The following ITPRID1 variants were observed in gnomAD, a reference collection of about 807,000 sequenced individuals.
ITPRID1 encodes the protein ITPR interacting domain containing 1, also known as protein ITPRID1.
In ITPRID1, 96 loss-of-function variants were observed where a neutral mutation model predicts 95.4. The observed-to-expected ratio is 1.01, with a 90% CI of 0.85 to 1.19. The LOEUF (loss-of-function observed/expected upper bound fraction) is 1.19. Ranked by LOEUF, ITPRID1 falls within the 50% of genes most tolerant of loss-of-function variation. The pLI is 0.00. For synonymous variants in ITPRID1, 510 were observed against 453.6 expected (o/e 1.12, Z -1.58); for missense variants, 1,339 against 1,252.9 (o/e 1.07, Z -1.04).
Position 31,643,363 on chromosome 7 carries a change from C to G in ITPRID1, c.1993C>G (p.Pro665Ala). Residue 665 changes from proline (P) to alanine (A), a missense_variant, in exon 12 of 15, where the codon CCC becomes GCC. By Grantham distance (27) the Pro-to-Ala change is conservative. Transcript: ENST00000615280. Reference protein sequence around the residue: ...DLAQTSEKLIPHLHKLPGDPA... With the variant: ...DLAQTSEKLIAHLHKLPGDPA... The stretch of plus-strand genomic sequence containing the variant: ...TGCTCAAACATCTGAAAAGCTCATT[C>G]CCCACCTCCATAAACTGCCTGGAGA... 6.2e-7 allele frequency: 1 copy of G among 1,613,990 alleles called. No individual in the cohort carries two copies. The highest frequency in any genetic ancestry group is 8.5e-7 in the Non-Finnish European group (1 of 1,179,896).
chr7:31,635,650 G>A (rs1407387580), intron 10 of ITPRID1, among the ~76,000 whole-genome samples: 2 of 152,134 alleles, frequency 1.3e-5, no homozygotes, highest in Non-Finnish European at 2.9e-5. Context: ...ATTTGGACCA[G>A]TGTATTAGGC....
At chr7:31,522,092 A>G (rs1046546672) in intron 1 of ITPRID1, among the ~76,000 whole-genome samples, 1 of 152,082 alleles carries the variant, frequency 6.6e-6, no homozygotes, top group Non-Finnish European at 1.5e-5. Context: ...TTTTCTAACT[A>G]AGCACCTCCA....
intron 10 of ITPRID1, among the ~76,000 whole-genome samples, chr7:31,616,774 A>G (rs1193818217): frequency 1.3e-5 from 2 of 150,266 alleles, no homozygotes; most frequent in African/African-American, 5.0e-5. Context: ...AGACAAAACC[A>G]AAAAGGTTTC....
chr7:31,556,851 C>T (rs2128138118), intron 5 of ITPRID1, among the ~76,000 whole-genome samples: 1 of 152,072 alleles, frequency 6.6e-6, no homozygotes, highest in African/African-American at 2.4e-5. Flanking sequence ...GTTTTAACAA[C>T]AGAAATGTAT....
intron 1 of ITPRID1, among the ~76,000 whole-genome samples, chr7:31,520,691 C>T (rs1229608304): frequency 6.6e-6 from 1 of 152,068 alleles, no homozygotes; most frequent in Non-Finnish European, 1.5e-5. Flanking sequence ...GATCTGGATA[C>T]CAGCTATGTT....
chr7:31,558,427 C>G (rs1340275178), intron 5 of ITPRID1, among the ~76,000 whole-genome samples: 1 of 152,074 alleles, frequency 6.6e-6, no homozygotes, highest in African/African-American at 2.4e-5. Context: ...CCTTTGGGAC[C>G]ACAACACAGT....
At chr7:31,633,570 A>C (rs1214976239) in intron 10 of ITPRID1, among the ~76,000 whole-genome samples, 1 of 152,234 alleles carries the variant, frequency 6.6e-6, no homozygotes, top group East Asian at 1.9e-4. Context: ...GGTCTGAACA[A>C]TTCACACTAC....
At chr7:31,622,467 T>C (rs1788009223) in intron 10 of ITPRID1, among the ~76,000 whole-genome samples, 2 of 150,224 alleles carry the variant, frequency 1.3e-5, no homozygotes. Context: ...TCAAAACTGC[T>C]CAACTACATG....
intron 1 of ITPRID1, among the ~76,000 whole-genome samples, chr7:31,531,534 A>G (rs1294841837): frequency 1.3e-5 from 2 of 152,162 alleles, no homozygotes; most frequent in Non-Finnish European, 1.5e-5. Context: ...CTGGGGGAGC[A>G]TTAGGTTTGG....
downstream of ITPRID1, among the ~76,000 whole-genome samples, chr7:31,657,473 G>A (rs943345717): frequency 5.9e-5 from 9 of 152,206 alleles, no homozygotes; most frequent in Non-Finnish European, 5.9e-5. Flanking sequence ...TCTGACGCTT[G>A]TAGTCAGGTA....
intron 10 of ITPRID1, among the ~76,000 whole-genome samples, chr7:31,619,116 A>T (rs1253043266): frequency 6.6e-6 from 1 of 152,200 alleles, no homozygotes; most frequent in East Asian, 1.9e-4. Flanking sequence ...TGTGTATATT[A>T]GTCACAACAT....
chr7:31,536,051 T>C (rs138538055), intron 1 of ITPRID1, among the ~76,000 whole-genome samples: 2 of 152,290 alleles, frequency 1.3e-5, no homozygotes, highest in Admixed American at 6.5e-5. Context: ...GCTATTATGA[T>C]TTGAAATATT....
chr7:31,639,103 T>A (rs1789765632), intron 10 of ITPRID1, among the ~76,000 whole-genome samples: 1 of 152,124 alleles, frequency 6.6e-6, no homozygotes, highest in African/African-American at 2.4e-5. Context: ...TGTGCCTTGG[T>A]GTAGTTTTCT....
chr7:31,606,655 C>G (rs974944607), intron 10 of ITPRID1, among the ~76,000 whole-genome samples: 1 of 152,088 alleles, frequency 6.6e-6, no homozygotes, highest in Non-Finnish European at 1.5e-5. Flanking sequence ...GTCCATTAGA[C>G]TATTTCTTTC....
Position 31,592,158 on chromosome 7 carries a change from G to A in ITPRID1, c.1228+8967G>A, listed in dbSNP as rs150491690. On this transcript the variant is annotated intron_variant, in intron 10 of 14. Coordinates refer to ENST00000615280, the MANE Select transcript of ITPRID1 (RefSeq NM_001257967.3). ...ATAATGTCACTCTCAAAGATAACAGGACTCCCCAGGTATATCATCCACTAC... is the reference window on the plus strand; with the variant it reads ...ATAATGTCACTCTCAAAGATAACAGAACTCCCCAGGTATATCATCCACTAC... Among the ~76,000 whole-genome samples the A allele has an allele frequency of 2.6e-4, 40 of 152,206 alleles. No homozygotes were observed. The East Asian group carries it at 7.4e-3, about 28-fold the overall frequency.
chr7:31,560,984 G>GA (rs1784603674), intron 5 of ITPRID1, among the ~76,000 whole-genome samples: 1 of 151,814 alleles, frequency 6.6e-6, no homozygotes, highest in East Asian at 1.9e-4. Context: ...AGGTAATGAG[G>GA]TAAAAAGGGA....
Position 31,655,206 on chromosome 7 carries a change from C to G in ITPRID1, c.*2377C>G, listed in dbSNP as rs978326336. The stretch of plus-strand genomic sequence containing the variant: ...TGGTCATTGCCCCAACTCAGTTCAT[C>G]TTCCTGATCCTCTCTGTCAGTGGCA... On this transcript the variant is annotated 3_prime_UTR_variant, in exon 15 of 15. Transcript: ENST00000615280. Among the ~76,000 whole-genome samples, 112 of 152,276 alleles carry G rather than the reference C, an allele frequency of 7.4e-4. No homozygotes were observed. Among genetic ancestry groups the G allele is most frequent in the African/African-American group, 2.6e-3 (108 of 41,560 alleles).
At chr7:31,588,219 T>C (rs1057222854) in intron 10 of ITPRID1, among the ~76,000 whole-genome samples, 1 of 150,406 alleles carries the variant, frequency 6.6e-6, no homozygotes, top group African/African-American at 2.4e-5. Context: ...GAACAAAGAG[T>C]GGAGGGAGTT....
chr7:31,541,390 G>A (rs889507733), intron 1 of ITPRID1, among the ~76,000 whole-genome samples: 6 of 152,148 alleles, frequency 3.9e-5, no homozygotes, highest in African/African-American at 9.7e-5. Context: ...GCACCTATTA[G>A]AGCTTTATAG....
Sources: gnomAD v4.1 joint callset for allele counts (sites outside exome capture counted in the v4.1 genomes callset) on GRCh38, gnomAD v4.1.1 for gene constraint, MANE v1.5 for transcripts, NCBI Gene and HGNC (gene_info 2026-07-23, HGNC 2026-07-21) for gene names.